The following SERGEF variants were observed in gnomAD, a reference collection of about 807,000 sequenced individuals.
SERGEF encodes secretion regulating guanine nucleotide exchange factor.
SERGEF carries 51 observed loss-of-function variants against 50.0 expected under a neutral mutation model. The observed-to-expected ratio is 1.02, with a 90% confidence interval of 0.81 to 1.29. SERGEF has a LOEUF of 1.29. Among genes scored for constraint, SERGEF ranks in the 50% most tolerant of loss-of-function variants. SERGEF has a pLI of 0.00. For synonymous variants in SERGEF, 205 were observed against 212.4 expected, an observed-to-expected ratio of 0.97 and a Z score of 0.30; for missense variants, 521 against 557.0, an observed-to-expected ratio of 0.94 and a Z score of 0.65.
At chr11:17,917,397 A>G (rs868060508) in intron 9 of SERGEF, among the ~76,000 whole-genome samples, 12 of 152,182 alleles carry the variant, frequency 7.9e-5, no homozygotes, top group South Asian at 2.1e-4. Flanking sequence ...ATGACACAAT[A>G]GACTTCAATG....
chr11:17,995,639 C>T (rs1276982794), intron 6 of SERGEF, among the ~76,000 whole-genome samples, 157 bp downstream of exon 6: 1 of 152,188 alleles, frequency 6.6e-6, no homozygotes, highest in African/African-American at 2.4e-5. Context: ...ACTGGGCCAA[C>T]AAACAATGCC....
At chr11:17,813,996 T>TG (rs1445295314) in intron 10 of SERGEF, among the ~76,000 whole-genome samples, 1 of 152,216 alleles carries the variant, frequency 6.6e-6, no homozygotes, top group Non-Finnish European at 1.5e-5. Context: ...TAACAGCTTG[T>TG]GGGCCTACAT....
At chr11:18,008,158 C>T (rs946439366) in intron 1 of SERGEF, 82 bp from the exon 2 acceptor site, 2 of 1,393,942 alleles carry the variant, frequency 1.4e-6, no homozygotes, top group Non-Finnish European at 2.0e-6. Flanking sequence ...TCTCTCTCAC[C>T]CTGACGTATC....
At chr11:17,956,509 A>ATTTTTTATTATTT (rs1852875156) in intron 9 of SERGEF, among the ~76,000 whole-genome samples, 1 of 152,230 alleles carries the variant, frequency 6.6e-6, no homozygotes, top group Non-Finnish European at 1.5e-5. Context: ...AATATCTGCA[A>ATTTTTTATTATTT]AGCATTTAGC....
chr11:17,914,892 A>G (rs1263164968), intron 9 of SERGEF, among the ~76,000 whole-genome samples: 3 of 152,228 alleles, frequency 2.0e-5, no homozygotes, highest in Non-Finnish European at 4.4e-5. Context: ...TCTGATGCGG[A>G]AACAGATACT....
rs143302738 is a variant in SERGEF, at chr11:17,830,782, G to A, written c.1049-42369C>T. The stretch of plus-strand genomic sequence containing the variant: ...GGGCAGACCTAAACACCTCTTACAC[G>A]TCCCACCTCTTAATGCTGTTATAAT... On this transcript the variant is annotated intron_variant, in intron 10 of 10. Coordinates refer to ENST00000265965, the MANE Select transcript of SERGEF (RefSeq NM_012139.4). Among the ~76,000 whole-genome samples, 793 of 151,426 alleles carry A rather than the reference G, an allele frequency of 5.2e-3. 35 individuals are homozygous for A. Among genetic ancestry groups the A allele is most frequent in the Admixed American group, 0.051 (771 of 15,182 alleles).
At chr11:17,915,171 T>C (rs989831248) in intron 9 of SERGEF, among the ~76,000 whole-genome samples, 1 of 152,184 alleles carries the variant, frequency 6.6e-6, no homozygotes, top group Non-Finnish European at 1.5e-5. Context: ...AATGAATGAG[T>C]AAATGGATCA....
chr11:17,951,379 T>C (rs1852771006), intron 9 of SERGEF, among the ~76,000 whole-genome samples: 1 of 152,206 alleles, frequency 6.6e-6, no homozygotes, highest in Non-Finnish European at 1.5e-5. Context: ...TGGAAAGGTT[T>C]TGAATGACCC....
chr11:17,956,807 C>A (rs1266252738), intron 9 of SERGEF, among the ~76,000 whole-genome samples: 1 of 152,146 alleles, frequency 6.6e-6, no homozygotes, highest in African/African-American at 2.4e-5. Flanking sequence ...TCAGCCTAGT[C>A]CAACACTGTT....
intron 10 of SERGEF, among the ~76,000 whole-genome samples, chr11:17,833,262 C>T (rs1041084296): frequency 2.0e-5 from 3 of 152,236 alleles, no homozygotes; most frequent in Admixed American, 6.5e-5. Flanking sequence ...GCCGTGGCTT[C>T]AGAGGGTGCG....
chr11:17,832,094 C>T (rs1247275290), intron 10 of SERGEF, among the ~76,000 whole-genome samples: 1 of 152,202 alleles, frequency 6.6e-6, no homozygotes, highest in Admixed American at 6.5e-5. Flanking sequence ...GGGTTAGCAA[C>T]TTCCCCTTTT....
At chr11:17,816,486 A>G (rs571308560) in intron 10 of SERGEF, among the ~76,000 whole-genome samples, 289 of 152,326 alleles carry the variant, frequency 1.9e-3, no homozygotes, top group African/African-American at 6.4e-3. Flanking sequence ...GCTTCCTGCC[A>G]TTTGAACTTT....
intron 9 of SERGEF, among the ~76,000 whole-genome samples, chr11:17,902,182 C>T (rs1205629660): frequency 9.6e-6 from 1 of 103,738 alleles, no homozygotes; most frequent in African/African-American, 4.4e-5. Flanking sequence ...ATGCAGCAGA[C>T]AGGAGTAGTC....
intron 10 of SERGEF, among the ~76,000 whole-genome samples, chr11:17,870,323 G>A (rs1427353415): frequency 1.3e-5 from 2 of 152,228 alleles, no homozygotes; most frequent in Non-Finnish European, 2.9e-5. Flanking sequence ...AGGCAGGGAT[G>A]ATGTAATCAG....
chr11:17,974,679 C>T (rs1283462308), intron 8 of SERGEF, among the ~76,000 whole-genome samples: 1 of 152,086 alleles, frequency 6.6e-6, no homozygotes, highest in Non-Finnish European at 1.5e-5. Context: ...AGCTGTGGGA[C>T]CATGGGGACA....
At chr11:17,882,741 G>A (rs1851358337) in intron 9 of SERGEF, among the ~76,000 whole-genome samples, 1 of 152,216 alleles carries the variant, frequency 6.6e-6, no homozygotes, top group African/African-American at 2.4e-5. Context: ...AAGCAGCAGT[G>A]TGGCCAATCC....
chr11:17,825,558 T>C (rs1196846526), intron 10 of SERGEF, among the ~76,000 whole-genome samples: 1 of 152,232 alleles, frequency 6.6e-6, no homozygotes, highest in East Asian at 1.9e-4. Context: ...AGTACCATTT[T>C]CTGATCAAAT....
At chr11:17,993,044 G>T (rs753056230) in intron 6 of SERGEF, 51 bp from the exon 7 acceptor site, 12 of 1,488,014 alleles carry the variant, frequency 8.1e-6, no homozygotes, top group African/African-American at 2.8e-5. Context: ...AGAACAAACT[G>T]GGCAGAGAGG....
chr11:17,812,146 C>T (rs1259609378), intron 10 of SERGEF, among the ~76,000 whole-genome samples: 1 of 152,204 alleles, frequency 6.6e-6, no homozygotes, highest in Non-Finnish European at 1.5e-5. Context: ...CAACCCACTT[C>T]TCCATGGCAA....
Sources: gnomAD v4.1 joint callset for allele counts (sites outside exome capture counted in the v4.1 genomes callset) on GRCh38, gnomAD v4.1.1 for gene constraint, MANE v1.5 for transcripts, NCBI Gene and HGNC (gene_info 2026-07-23, HGNC 2026-07-21) for gene names.